Variants in ITGAM observed in about 807,000 individuals in gnomAD.
The protein encoded by ITGAM is integrin alpha-M.
In ITGAM, 79 loss-of-function variants were observed where a neutral mutation model predicts 137.5. That is an observed-to-expected ratio of 0.57 (90% CI 0.48 to 0.69). The LOEUF is 0.69. Ranked by LOEUF, ITGAM falls within the 30% of genes least tolerant of loss-of-function variation. The pLI is 0.00. For missense variants in ITGAM, 1,343 were observed against 1,483.5 expected, an observed-to-expected ratio of 0.91 and a Z score of 1.56; for synonymous variants, 583 against 592.3, an observed-to-expected ratio of 0.98 and a Z score of 0.23.
intron 12 of ITGAM, among the ~76,000 whole-genome samples, chr16:31,293,715 T>G (rs1166149125): frequency 6.6e-6 from 1 of 152,128 alleles, no homozygotes; most frequent in African/African-American, 2.4e-5. Flanking sequence ...ACTTGGTTAT[T>G]CAGGTTCTTT....
At chr16:31,296,224 C>T (rs2080131966) in intron 12 of ITGAM, among the ~76,000 whole-genome samples, 2 of 151,342 alleles carry the variant, frequency 1.3e-5, no homozygotes. Flanking sequence ...CCTGCCTCAG[C>T]CTCTTGAGTA....
At chr16:31,290,729 G>C (rs2080079169) in intron 12 of ITGAM, among the ~76,000 whole-genome samples, 1 of 151,708 alleles carries the variant, frequency 6.6e-6, no homozygotes, top group Non-Finnish European at 1.5e-5. Context: ...GAAAGACCTA[G>C]CCAATGCAAT....
chr16:31,302,831 A>G (rs1469914544), intron 14 of ITGAM, among the ~76,000 whole-genome samples: 1 of 150,522 alleles, frequency 6.6e-6, no homozygotes, highest in East Asian at 2.0e-4. Flanking sequence ...CACCGCGCCC[A>G]GCTTTTTCTT....
chr16:31,284,958 G>A (rs1435891117), intron 12 of ITGAM, among the ~76,000 whole-genome samples: 1 of 152,038 alleles, frequency 6.6e-6, no homozygotes, highest in Non-Finnish European at 1.5e-5. Context: ...AAACCCCTCA[G>A]ACACCGAGTT....
Position 31,324,913 on chromosome 16 carries a change from G to T in ITGAM, c.2290-45G>T. 6.4e-7 allele frequency: 1 copy of T among 1,559,806 alleles called. No individual in the cohort carries two copies. The highest frequency in any genetic ancestry group is 8.7e-7 in the Non-Finnish European group (1 of 1,147,110). On this transcript the variant is annotated intron_variant, in intron 18 of 29. Coordinates refer to ENST00000544665, the MANE Select transcript of ITGAM (RefSeq NM_000632.4). This position sits in a 1 kb window ranked among gnomAD's most constrained non-coding sequence, Gnocchi z 4.5. ...TTTATTGTTTAATTTCACAATACTT[G>T]GTTATTTTCTTTCCTTTCATTTGAT...
intron 14 of ITGAM, among the ~76,000 whole-genome samples, chr16:31,298,500 C>T (rs1303226621): frequency 6.6e-6 from 1 of 152,214 alleles, no homozygotes; most frequent in Non-Finnish European, 1.5e-5. Context: ...CCCCACTTTA[C>T]AGATGAGTAG....
intron 12 of ITGAM, among the ~76,000 whole-genome samples, chr16:31,287,396 CTG>C (rs1447353642): frequency 6.6e-5 from 10 of 152,082 alleles, no homozygotes; most frequent in Admixed American, 5.2e-4. Context: ...TTTTTTCTAT[CTG>C]TGAACAATGG....
At chr16:31,288,723 A>G (rs1046048924) in intron 12 of ITGAM, among the ~76,000 whole-genome samples, 1 of 152,254 alleles carries the variant, frequency 6.6e-6, no homozygotes, top group South Asian at 2.1e-4. Flanking sequence ...CTAAAACACC[A>G]AAAGCAATGG....
At chr16:31,317,978 G>C (rs1344182912) in intron 14 of ITGAM, among the ~76,000 whole-genome samples, 1 of 152,148 alleles carries the variant, frequency 6.6e-6, no homozygotes, top group Non-Finnish European at 1.5e-5. Flanking sequence ...ATGAGTTTGA[G>C]AAGAATTCAT....
At chr16:31,284,450 C>A (rs2080005797) in intron 12 of ITGAM, among the ~76,000 whole-genome samples, 1 of 151,316 alleles carries the variant, frequency 6.6e-6, no homozygotes, top group Admixed American at 6.6e-5. Context: ...CCCAGCCTCA[C>A]TGCCACCTTG....
rs1260504182 is a variant in ITGAM, at chr16:31,321,360, G to A, written c.1827G>A (p.Val609=). 7 of 1,614,000 alleles carry A rather than the reference G, an allele frequency of 4.3e-6. No individual in the cohort carries two copies. The East Asian group carries it at 1.1e-4, about 26-fold the overall frequency. ...TGACTGTAGGAGCCCAGGGGCACGT[G>A]CTGCTGCTCAGGTGAGAATGCCTTT... ...VDLTVGAQGH[V]LLLRSQPVLR... Residue 609 remains valine, a synonymous_variant, in exon 15 of 30, where the codon GTG becomes GTA. Transcript: ENST00000544665.
intron 14 of ITGAM, among the ~76,000 whole-genome samples, chr16:31,316,493 G>A (rs184156357): frequency 1.4e-4 from 22 of 152,164 alleles, no homozygotes; most frequent in African/African-American, 4.1e-4. Flanking sequence ...TTATGTCAGT[G>A]TCATGCTGTT....
chr16:31,326,930 GACCAGGTGCTCTCTGCT>G lies in ITGAM; in HGVS notation c.2708+2_2708+18del. On this transcript the variant is annotated splice_donor_variant and splice_donor_5th_base_variant and coding_sequence_variant and intron_variant, in exon 22 of 30. Transcript: ENST00000544665. LOFTEE classifies it high-confidence loss of function. Reference sequence around the variant, plus strand: ...ACAAACTGCTCCTCAAGGCCAATGTGACCAGGTGCTCTCTGCTACCAGGCTTCTGCAGGCAGTTGCCC... The same window carrying G: ...ACAAACTGCTCCTCAAGGCCAATGTGACCAGGCTTCTGCAGGCAGTTGCCC... 1 of 1,611,026 alleles carries G rather than the reference GACCAGGTGCTCTCTGCT, an allele frequency of 6.2e-7. No homozygotes were observed. Among genetic ancestry groups the G allele is most frequent in the Non-Finnish European group, 8.5e-7 (1 of 1,177,216 alleles).
chr16:31,296,027 G>A (rs2080129154), intron 12 of ITGAM, among the ~76,000 whole-genome samples: 1 of 151,214 alleles, frequency 6.6e-6, no homozygotes, highest in South Asian at 2.1e-4. Flanking sequence ...CACATTAATT[G>A]ATTTGCATAT....
Position 31,329,289 on chromosome 16 carries a change from C to A in ITGAM, c.2854C>A (p.Gln952Lys). ...TASENTSRVM[Q>K]HQYQVSNLGQ... ...CTCAGAGAATACCAGTCGGGTCATG[C>A]AGCATCAATATCAGGTGGGCAGCTG... The change falls in exon 24 of 30, where the codon CAG becomes AAG. Residue 952 changes from glutamine (Q) to lysine (K), a missense_variant. Transcript: ENST00000544665. The A allele has an allele frequency of 6.2e-7, 1 of 1,611,102 alleles. No homozygotes were observed. The highest frequency in any genetic ancestry group is 8.5e-7 in the Non-Finnish European group (1 of 1,177,550).
intron 12 of ITGAM, among the ~76,000 whole-genome samples, chr16:31,283,551 C>T (rs1271072388): frequency 6.6e-6 from 1 of 152,128 alleles, no homozygotes; most frequent in Non-Finnish European, 1.5e-5. Flanking sequence ...AATTCTCATG[C>T]CATGGTTTTC....
At position 31,332,096 on chromosome 16, in the gene ITGAM, C is replaced by T. The variant is rs2080595938; in HGVS notation, c.*389C>T. 1 of 193,206 alleles carries T rather than the reference C, an allele frequency of 5.2e-6. No homozygotes were observed. Among genetic ancestry groups the T allele is most frequent in the Admixed American group, 6.0e-5 (1 of 16,590 alleles). The allele number at this position is 193,206 out of a possible 1,614,324, so 12.0% of individuals were successfully genotyped here. A position where few individuals can be genotyped will look rare whatever the true frequency, so the allele number is the denominator to read the frequency against. ...CTGGCGTGTGGGTAGGTGACGGCAG[C>T]GTAGCCTCTCCGGCAGAAGGGAACT... On this transcript the variant is annotated 3_prime_UTR_variant, in exon 30 of 30. Transcript: ENST00000544665.
chr16:31,291,718 T>C (rs1193907351), intron 12 of ITGAM, among the ~76,000 whole-genome samples: 1 of 151,930 alleles, frequency 6.6e-6, no homozygotes, highest in African/African-American at 2.4e-5. Flanking sequence ...TTCTCATTCA[T>C]GTGTAGGAGC....
intron 2 of ITGAM, among the ~76,000 whole-genome samples, chr16:31,263,546 C>T (rs1020429687): frequency 6.6e-6 from 1 of 152,010 alleles, no homozygotes; most frequent in Non-Finnish European, 1.5e-5. Context: ...TTACTGATCT[C>T]TGCAGATCGA....
Sources: gnomAD v4.1 joint callset for allele counts (sites outside exome capture counted in the v4.1 genomes callset) on GRCh38, gnomAD v4.1.1 for gene constraint, Gnocchi (gnomAD v3.1) non-coding constraint, MANE v1.5 for transcripts, NCBI Gene and HGNC (gene_info 2026-07-23, HGNC 2026-07-21) for gene names.